Variants in PDE7B observed in about 807,000 individuals in gnomAD.
The protein encoded by PDE7B is phosphodiesterase 7B, also known as 3',5'-cyclic-AMP phosphodiesterase 7B.
Under a neutral mutation model 56.2 loss-of-function variants are expected in PDE7B, and 29 were observed. That is an observed-to-expected ratio of 0.52 (90% CI 0.38 to 0.70). The LOEUF is 0.70. PDE7B is among the 30% of genes least tolerant of loss of function. The pLI, the probability that PDE7B is intolerant of heterozygous loss-of-function variation, is 0.00. For missense variants in PDE7B, 490 were observed against 565.0 expected (o/e 0.87, Z 1.35); for synonymous variants, 197 against 196.9 (o/e 1.00, Z 0.00).
intron 1 of PDE7B, among the ~76,000 whole-genome samples, chr6:135,920,276 C>G (rs558154532): frequency 6.6e-6 from 1 of 152,152 alleles, no homozygotes; most frequent in Non-Finnish European, 1.5e-5. Flanking sequence ...ATAGAGAACA[C>G]ATAGATTATA....
intron 8 of PDE7B, among the ~76,000 whole-genome samples, chr6:136,169,685 T>C (rs956597927): frequency 2.0e-5 from 3 of 152,220 alleles, no homozygotes; most frequent in Non-Finnish European, 4.4e-5. Context: ...AGCGACTGAA[T>C]TAAATGTCAT....
At chr6:136,152,291 T>C (rs929424491) in intron 6 of PDE7B, among the ~76,000 whole-genome samples, 1 of 152,216 alleles carries the variant, frequency 6.6e-6, no homozygotes, top group Non-Finnish European at 1.5e-5. Flanking sequence ...CCTCAAATAA[T>C]TTTAATCAGG....
rs982395730 is a variant in PDE7B, at chr6:136,193,824, T to C, written c.*1984T>C. The C allele has an allele frequency of 2.6e-5, 4 of 152,282 alleles. No individual in the cohort carries two copies. The East Asian group carries it at 5.8e-4, about 22-fold the overall frequency. The allele number at this position is 152,282 out of a possible 1,614,324, so 9.4% of individuals were successfully genotyped here. On this transcript the variant is annotated 3_prime_UTR_variant, in exon 13 of 13. Coordinates refer to ENST00000308191, the MANE Select transcript of PDE7B (RefSeq NM_018945.4). The stretch of plus-strand genomic sequence containing the variant: ...TGCAGAATTAAGGTTCAGGGGAAAT[T>C]TTGGAAAGTTGGTTGTATTTTCATT...
At chr6:135,985,821 C>T (rs1775367093) in intron 2 of PDE7B, among the ~76,000 whole-genome samples, 2 of 152,180 alleles carry the variant, frequency 1.3e-5, no homozygotes, top group African/African-American at 4.8e-5. Flanking sequence ...GAGAAGCATG[C>T]ACTTTGATAG....
chr6:135,896,654 G>A (rs141563547), intron 1 of PDE7B, among the ~76,000 whole-genome samples: 52 of 152,166 alleles, frequency 3.4e-4, no homozygotes, highest in Middle Eastern at 3.4e-3. Context: ...AAAAGGAGAC[G>A]CAGAGAGGTT....
At chr6:135,921,834 A>G (rs532522490) in intron 1 of PDE7B, among the ~76,000 whole-genome samples, 1 of 152,030 alleles carries the variant, frequency 6.6e-6, no homozygotes, top group Non-Finnish European at 1.5e-5. Flanking sequence ...TGTTCTCCAC[A>G]TCCCTTTCTA....
chr6:135,956,905 G>C (rs1439587726), intron 2 of PDE7B, among the ~76,000 whole-genome samples: 1 of 149,974 alleles, frequency 6.7e-6, no homozygotes, highest in Non-Finnish European at 1.5e-5. Flanking sequence ...AGGAAAGGAA[G>C]GAAGGAACGA....
chr6:136,010,255 T>C (rs902263042), intron 2 of PDE7B, among the ~76,000 whole-genome samples: 1 of 152,192 alleles, frequency 6.6e-6, no homozygotes, highest in African/African-American at 2.4e-5. Context: ...CTATTCTTAT[T>C]GCGCTGTGGT....
intron 2 of PDE7B, among the ~76,000 whole-genome samples, chr6:136,014,985 G>A (rs1775951804): frequency 6.6e-6 from 1 of 152,214 alleles, no homozygotes; most frequent in Admixed American, 6.5e-5. Flanking sequence ...AAATTACGTT[G>A]AATATCGATG....
At chr6:136,107,054 A>G (rs900989155) in intron 2 of PDE7B, among the ~76,000 whole-genome samples, 1 of 152,212 alleles carries the variant, frequency 6.6e-6, no homozygotes, top group African/African-American at 2.4e-5. Flanking sequence ...CCAATGTAAA[A>G]TTCAAAGCAG....
At chr6:136,027,671 G>C (rs1359234680) in intron 2 of PDE7B, among the ~76,000 whole-genome samples, 1 of 151,896 alleles carries the variant, frequency 6.6e-6, no homozygotes, top group Non-Finnish European at 1.5e-5. Flanking sequence ...GCCCAGGCTG[G>C]AGTACAGTGG....
chr6:136,153,477 T>C (rs1246105851), intron 6 of PDE7B, among the ~76,000 whole-genome samples: 1 of 152,154 alleles, frequency 6.6e-6, no homozygotes, highest in Admixed American at 6.5e-5. Flanking sequence ...CTCTAAGCCT[T>C]ACATTAGACT....
At chr6:135,934,268 A>G (rs1441620696) in intron 1 of PDE7B, among the ~76,000 whole-genome samples, 1 of 152,160 alleles carries the variant, frequency 6.6e-6, no homozygotes, top group Non-Finnish European at 1.5e-5. Flanking sequence ...GACATTTGAA[A>G]CACTTTGGTA....
At chr6:135,863,606 AG>A (rs890949583) in intron 1 of PDE7B, among the ~76,000 whole-genome samples, 2 of 152,006 alleles carry the variant, frequency 1.3e-5, no homozygotes, top group African/African-American at 4.8e-5. Flanking sequence ...AATGGAAAAA[AG>A]GTTGAGAATT....
At chr6:136,131,494 GTTTTTTTTTT>G in intron 3 of PDE7B, among the ~76,000 whole-genome samples, 1 of 84,710 alleles carries the variant, frequency 1.2e-5, no homozygotes, top group Non-Finnish European at 2.2e-5. Flanking sequence ...ATCCTGGCAG[GTTTTTTTTTT>G]TTTTTTTTTT....
intron 12 of PDE7B, among the ~76,000 whole-genome samples, chr6:136,189,432 G>C (rs910714309): frequency 1.3e-5 from 2 of 152,150 alleles, no homozygotes; most frequent in African/African-American, 4.8e-5. Context: ...TTAGCTGGGT[G>C]TGGTGGCATG....
At chr6:135,914,483 T>C (rs1776262797) in intron 1 of PDE7B, among the ~76,000 whole-genome samples, 1 of 76,508 alleles carries the variant, frequency 1.3e-5, no homozygotes, top group Non-Finnish European at 2.2e-5. Flanking sequence ...CTTTTTATAA[T>C]GCTTTTTTTT....
chr6:135,929,183 A>G (rs1774252688), intron 1 of PDE7B, among the ~76,000 whole-genome samples: 1 of 152,038 alleles, frequency 6.6e-6, no homozygotes, highest in Non-Finnish European at 1.5e-5. Context: ...ACATGGTAAA[A>G]TTTTCTTTCC....
At chr6:135,946,191 T>C (rs189266788) in intron 1 of PDE7B, among the ~76,000 whole-genome samples, 95 of 151,782 alleles carry the variant, frequency 6.3e-4, no homozygotes, top group African/African-American at 2.2e-3. Flanking sequence ...GTTTTAAACA[T>C]TATATATGTC....
Sources: gnomAD v4.1 joint callset for allele counts (sites outside exome capture counted in the v4.1 genomes callset) on GRCh38, gnomAD v4.1.1 for gene constraint, MANE v1.5 for transcripts, NCBI Gene and HGNC (gene_info 2026-07-23, HGNC 2026-07-21) for gene names.